Variants in PIEZO2 observed in about 807,000 individuals in gnomAD.
PIEZO2 encodes the protein piezo-type mechanosensitive ion channel component 2.
Under a neutral mutation model 337.3 loss-of-function variants are expected in PIEZO2, and 172 were observed. That is an observed-to-expected ratio of 0.51 (90% CI 0.45 to 0.58). PIEZO2 has a LOEUF of 0.58. PIEZO2 is among the 20% of genes least tolerant of loss of function. The probability of loss-of-function intolerance (pLI) is 0.00; values close to 1 mark genes in which losing one functional copy is unlikely to be tolerated. For synonymous variants in PIEZO2, 1,251 were observed against 1,228.5 expected (o/e 1.02, Z -0.38); for missense variants, 3,028 against 3,391.3 (o/e 0.89, Z 2.66).
intron 1 of PIEZO2, among the ~76,000 whole-genome samples, chr18:11,106,223 A>T (rs1439937862): frequency 2.0e-5 from 3 of 150,572 alleles, no homozygotes. Context: ...AGTAGCTGGG[A>T]CTACAGGCGC....
At chr18:10,757,859 T>A in intron 27 of PIEZO2, 110 bp downstream of exon 27, 1 of 1,173,732 alleles carries the variant, frequency 8.5e-7, no homozygotes, top group South Asian at 1.6e-5. Flanking sequence ...CTTCAGTGTA[T>A]ACAATTCAGC....
intron 1 of PIEZO2, among the ~76,000 whole-genome samples, chr18:11,075,844 A>AGTG (rs2038521708): frequency 7.0e-6 from 1 of 142,832 alleles, no homozygotes; most frequent in Admixed American, 7.4e-5. Flanking sequence ...GCTGGAGTGC[A>AGTG]GTGGCGCGAT....
intron 4 of PIEZO2, chr18:10,908,439 G>C (rs2030156221): frequency 6.6e-6 from 1 of 152,192 alleles, no homozygotes; most frequent in South Asian, 2.1e-4. Context: ...CTGCTCTAAA[G>C]AACCAGATAG....
At chr18:10,790,605 C>G (rs761474054) in intron 14 of PIEZO2, among the ~76,000 whole-genome samples, 30 of 152,060 alleles carry the variant, frequency 2.0e-4, no homozygotes, top group Non-Finnish European at 3.5e-4. Context: ...CTTCTTGTTT[C>G]CAGTACTCAC....
At chr18:10,736,792 A>T in intron 33 of PIEZO2, 82 bp from the exon 34 acceptor site, 3 of 1,418,538 alleles carry the variant, frequency 2.1e-6, no homozygotes, top group Non-Finnish European at 2.8e-6. Flanking sequence ...TCCCCTAAAG[A>T]TACACAAATT....
chr18:11,006,894 T>C (rs2035745443), intron 2 of PIEZO2, among the ~76,000 whole-genome samples: 2 of 152,190 alleles, frequency 1.3e-5, no homozygotes, highest in African/African-American at 4.8e-5. Flanking sequence ...TTTTTAATTA[T>C]CATGGGTACA....
intron 2 of PIEZO2, among the ~76,000 whole-genome samples, chr18:11,006,429 G>A (rs576668690): frequency 6.6e-6 from 1 of 152,274 alleles, no homozygotes; most frequent in Admixed American, 6.5e-5. Context: ...AGATCTTAGG[G>A]AACACAATGT....
rs1469740390 is a variant in PIEZO2 at position 10,758,105 on chromosome 18, A to C, written c.3787T>G (p.Leu1263Val). The change falls in exon 27 of 56, where the codon TTA becomes GTA. Residue 1263 changes from leucine (L) to valine (V), a missense_variant. By Grantham distance (32) the Leu-to-Val change is conservative. Coordinates refer to ENST00000674853, the MANE Select transcript of PIEZO2 (RefSeq NM_001378183.1). ...TCATCCTCAAAAATCTGCCGTTGTA[A>C]GGAGGCACACAGAAGCAGCATGAAG... ...YDFMLLLCAS[L>V]QRQIFEDENK... The C allele has an allele frequency of 6.5e-7, 1 of 1,537,666 alleles. No homozygotes were observed. The highest frequency in any genetic ancestry group is 1.7e-4 in the Middle Eastern group (1 of 5,992).
At chr18:11,053,257 A>G (rs1197912707) in intron 2 of PIEZO2, among the ~76,000 whole-genome samples, 1 of 152,184 alleles carries the variant, frequency 6.6e-6, no homozygotes, top group Non-Finnish European at 1.5e-5. Context: ...AATTGGACAC[A>G]CCAGCTGTAT....
In PIEZO2 at chr18:10,993,218, C is replaced by T. The variant is rs1249404752; in HGVS notation, c.161-13558G>A. On this transcript the variant is annotated intron_variant, in intron 2 of 55. Transcript: ENST00000674853. This position sits in a 1 kb window ranked among gnomAD's most constrained non-coding sequence, Gnocchi z 5.0. ...TTTCCTATTTGAATACGCTTTATTT[C>T]CTTCTCTTGCCTGATTGCCCTGGCC... Among the ~76,000 whole-genome samples, 2 of 152,144 alleles carry T rather than the reference C, an allele frequency of 1.3e-5. No individual in the cohort carries two copies. The highest frequency in any genetic ancestry group is 1.3e-4 in the Admixed American group (2 of 15,274).
chr18:11,052,768 T>G (rs1474687876), intron 2 of PIEZO2, among the ~76,000 whole-genome samples: 1 of 152,202 alleles, frequency 6.6e-6, no homozygotes, highest in African/African-American at 2.4e-5. Flanking sequence ...AAGAAATAAT[T>G]GGTCACACTT....
At chr18:10,951,099 C>T (rs536113930) in intron 3 of PIEZO2, among the ~76,000 whole-genome samples, 136 of 152,288 alleles carry the variant, frequency 8.9e-4, no homozygotes, top group African/African-American at 3.2e-3. Flanking sequence ...CCTGCTGTAA[C>T]CCGAAACTGG....
Position 11,032,455 on chromosome 18 carries a change from C to T in PIEZO2, c.160+33672G>A, listed in dbSNP as rs960506969. On this transcript the variant is annotated intron_variant, in intron 2 of 55. Transcript: ENST00000674853. This position sits in a 1 kb window ranked among gnomAD's most constrained non-coding sequence, Gnocchi z 4.9. ...TTTCAGCTCTTGCTCTATTAGAATA[C>T]GGAGCTATTCTTGGCATGCTCTCGA... Among the ~76,000 whole-genome samples, 2 of 152,162 alleles carry T rather than the reference C, an allele frequency of 1.3e-5. No individual in the cohort carries two copies. The highest frequency in any genetic ancestry group is 6.5e-5 in the Admixed American group (1 of 15,276).
At chr18:10,889,282 T>G (rs1039801613) in intron 4 of PIEZO2, among the ~76,000 whole-genome samples, 2 of 152,184 alleles carry the variant, frequency 1.3e-5, no homozygotes, top group Non-Finnish European at 2.9e-5. Context: ...ATGTTCAAGA[T>G]AAGGAAAATA....
chr18:10,985,419 C>A (rs1475355909), intron 2 of PIEZO2, among the ~76,000 whole-genome samples: 1 of 151,968 alleles, frequency 6.6e-6, no homozygotes, highest in African/African-American at 2.4e-5. Context: ...CCAATATTCC[C>A]AATACCATTT....
rs757512135 is a variant in PIEZO2, at chr18:10,800,364, G to A, written c.1351C>T (p.Arg451Trp). Reference sequence around the variant, plus strand: ...GAGGATTCATCAGAGGGCTCCCACCGGTACTGAGGGGTGGAGTAGAGGTCG... The same window carrying A: ...GAGGATTCATCAGAGGGCTCCCACCAGTACTGAGGGGTGGAGTAGAGGTCG... The part of the protein sequence containing the change: ...KADLYSTPQY[R>W]WEPSDESSEK... Residue 451 changes from arginine to tryptophan, a missense_variant, in exon 11 of 56, where the codon CGG becomes TGG. Coordinates refer to ENST00000674853, the MANE Select transcript of PIEZO2 (RefSeq NM_001378183.1). 57 of 1,535,900 alleles carry A rather than the reference G, an allele frequency of 3.7e-5. No homozygotes were observed. The African/African-American group carries it at 5.3e-4, about 14-fold the overall frequency.
Position 10,691,260 on chromosome 18 carries a change from C to G in PIEZO2, c.7314G>C (p.Lys2438Asn). Residue 2438 changes from lysine to asparagine, a missense_variant, in exon 48 of 56, where the codon AAG becomes AAC. Transcript: ENST00000674853. ...AGAAGAGGTTGACGTAATTGTAGCT[C>G]TTGGTGAGGAAGTTCCCCAGGACTC... is the stretch of plus-strand genomic sequence containing the variant. Reference protein sequence around the residue: ...PTRVLGNFLTKSYNYVNLFLF... With the variant: ...PTRVLGNFLTNSYNYVNLFLF... The G allele has an allele frequency of 6.2e-7, 1 of 1,614,036 alleles. No individual in the cohort carries two copies. Among genetic ancestry groups the G allele is most frequent in the Non-Finnish European group, 8.5e-7 (1 of 1,179,990 alleles).
intron 1 of PIEZO2, among the ~76,000 whole-genome samples, chr18:11,086,412 A>G (rs3975421): frequency 0.46 from 68,238 of 148,526 alleles, 15,952 homozygotes; most frequent in South Asian, 0.61. Flanking sequence ...CCAGCTACTC[A>G]GGAGGCTGAG....
chr18:10,754,343 C>T (rs915620551), intron 27 of PIEZO2, among the ~76,000 whole-genome samples: 1 of 152,328 alleles, frequency 6.6e-6, no homozygotes, highest in Non-Finnish European at 1.5e-5. Flanking sequence ...GCGGAGCTGA[C>T]CCCTGTTGGA....
Sources: gnomAD v4.1 joint callset for allele counts (sites outside exome capture counted in the v4.1 genomes callset) on GRCh38, gnomAD v4.1.1 for gene constraint, Gnocchi (gnomAD v3.1) non-coding constraint, MANE v1.5 for transcripts, NCBI Gene and HGNC (gene_info 2026-07-23, HGNC 2026-07-21) for gene names.